The following AGBL1 variants were observed in gnomAD, a reference collection of about 807,000 sequenced individuals.
AGBL1 encodes cytosolic carboxypeptidase 4.
A neutral mutation model predicts 118.9 loss-of-function variants in AGBL1; 130 were observed. The ratio of observed to expected loss-of-function variants is 1.09; its 90% CI spans 0.95 to 1.26. The LOEUF (loss-of-function observed/expected upper bound fraction) is 1.26, where lower values mean the gene tolerates loss of function less well. Ranked by LOEUF, AGBL1 falls within the 50% of genes most tolerant of loss-of-function variation. The pLI, the probability that AGBL1 is intolerant of heterozygous loss-of-function variation, is 0.00. For synonymous variants in AGBL1, 555 were observed against 478.9 expected (o/e 1.16, Z -2.08); for missense variants, 1,584 against 1,298.1 (o/e 1.22, Z -3.38).
rs980060832 is a variant in AGBL1, at chr15:86,592,652, G to T, written c.2994+38115G>T. Among the ~76,000 whole-genome samples, 8 of 152,162 alleles carry T rather than the reference G, an allele frequency of 5.3e-5. No homozygotes were observed. In the East Asian group the frequency reaches 1.5e-3, roughly 29 times the overall value. ...ACCAGTTGAGTGTTCTTAGAGGAAG[G>T]TCGCATAACAGTTAAACTTTGCCAT... On this transcript the variant is annotated intron_variant, in intron 21 of 22. Transcript: ENST00000614907.
chr15:87,027,937 G>A (rs1196877321), intron 24 of AGBL1, among the ~76,000 whole-genome samples: 2 of 151,862 alleles, frequency 1.3e-5, no homozygotes, highest in East Asian at 1.9e-4. Flanking sequence ...TGGCTGCTGA[G>A]CTTAATCCCT....
intron 5 of AGBL1, among the ~76,000 whole-genome samples, chr15:86,177,242 G>A (rs1248189120): frequency 6.6e-6 from 1 of 152,076 alleles, no homozygotes; most frequent in African/African-American, 2.4e-5. Context: ...AGTTTATTAG[G>A]AACAAACAAA....
At chr15:86,211,088 C>T (rs1174563422) in intron 5 of AGBL1, among the ~76,000 whole-genome samples, 1 of 152,164 alleles carries the variant, frequency 6.6e-6, no homozygotes, top group East Asian at 1.9e-4. Context: ...AGCTTCAGGT[C>T]TGTTGGAGTT....
At chr15:86,540,059 T>C (rs1048704603) in intron 19 of AGBL1, among the ~76,000 whole-genome samples, 2 of 152,226 alleles carry the variant, frequency 1.3e-5, no homozygotes, top group African/African-American at 4.8e-5. Flanking sequence ...GCAAGTTACT[T>C]ATTTTATCTG....
intron 23 of AGBL1, among the ~76,000 whole-genome samples, chr15:86,932,522 G>T (rs537167778): frequency 3.3e-5 from 5 of 152,180 alleles, no homozygotes; most frequent in African/African-American, 1.2e-4. Flanking sequence ...CTTTGCGTGG[G>T]TGTTGAAGCC....
intron 21 of AGBL1, among the ~76,000 whole-genome samples, chr15:86,616,869 A>G (rs1279050592): frequency 6.6e-6 from 1 of 152,184 alleles, no homozygotes; most frequent in Non-Finnish European, 1.5e-5. Flanking sequence ...GGCTAGTCCT[A>G]TGTCTTTAGC....
In AGBL1 at chr15:86,511,539, A is replaced by G. The variant is rs76471307; in HGVS notation, c.2556-11271A>G. 1.3e-3 allele frequency among the ~76,000 whole-genome samples: 204 copies of G among 152,156 alleles called. No individual in the cohort carries two copies. In the East Asian group the frequency reaches 0.016, roughly 12 times the overall value. Reference sequence around the variant, plus strand: ...ATAGTTTACTCTTTATTCAGAGGCTACTCTAGCTGTGTGACCTTAGGCAGG... The same window carrying G: ...ATAGTTTACTCTTTATTCAGAGGCTGCTCTAGCTGTGTGACCTTAGGCAGG... On this transcript the variant is annotated intron_variant, in intron 18 of 22. Coordinates refer to ENST00000614907, the MANE Select transcript of AGBL1 (RefSeq NM_001386094.1).
At chr15:86,345,053 C>G (rs182454153) in intron 17 of AGBL1, among the ~76,000 whole-genome samples, 5 of 152,056 alleles carry the variant, frequency 3.3e-5, no homozygotes. Flanking sequence ...TTTCAGGCAC[C>G]GTTTTAGACT....
At chr15:86,354,688 C>G (rs768933490) in intron 17 of AGBL1, among the ~76,000 whole-genome samples, 26 of 152,158 alleles carry the variant, frequency 1.7e-4, no homozygotes, top group Non-Finnish European at 3.2e-4. Context: ...ATCATGGTCT[C>G]TCAAAGATGT....
At chr15:86,536,410 A>G (rs557427008) in intron 19 of AGBL1, among the ~76,000 whole-genome samples, 1 of 152,234 alleles carries the variant, frequency 6.6e-6, no homozygotes. Context: ...TCCCGGGTTC[A>G]AGCAATTCTC....
Position 86,546,140 on chromosome 15 carries a change from C to T in AGBL1, c.2817+7C>T, listed in dbSNP as rs543472332. 176 of 1,608,758 alleles carry T rather than the reference C, an allele frequency of 1.1e-4. No homozygotes were observed. The highest frequency in any genetic ancestry group is 1.5e-4 in the African/African-American group (11 of 74,902). On this transcript the variant is annotated splice_region_variant and intron_variant, in intron 20 of 22. Coordinates refer to ENST00000614907, the MANE Select transcript of AGBL1 (RefSeq NM_001386094.1). ...AGAGGAGGTCAACTACAGGGTAAGC[C>T]GCTGTGGGGAATGACATCAGACATG... is the stretch of plus-strand genomic sequence containing the variant.
intron 22 of AGBL1, among the ~76,000 whole-genome samples, chr15:86,884,722 G>C (rs993422953): frequency 6.6e-6 from 1 of 152,200 alleles, no homozygotes; most frequent in Non-Finnish European, 1.5e-5. Flanking sequence ...TGACGTGGGA[G>C]AACCGCTTGA....
At chr15:86,115,949 T>C (rs999228875) in intron 1 of AGBL1, among the ~76,000 whole-genome samples, 1 of 152,194 alleles carries the variant, frequency 6.6e-6, no homozygotes, top group African/African-American at 2.4e-5. Flanking sequence ...AAGATTTCAG[T>C]CATGTCATCC....
At chr15:86,199,542 C>T (rs976237756) in intron 5 of AGBL1, among the ~76,000 whole-genome samples, 2 of 152,208 alleles carry the variant, frequency 1.3e-5, no homozygotes, top group Non-Finnish European at 2.9e-5. Flanking sequence ...GGTCCTCGTG[C>T]ACCTGAAGTG....
At chr15:86,206,298 G>A (rs551375433) in intron 5 of AGBL1, among the ~76,000 whole-genome samples, 5 of 152,266 alleles carry the variant, frequency 3.3e-5, no homozygotes, top group African/African-American at 1.2e-4. Context: ...CTTCATAGTA[G>A]CATGATTTAT....
chr15:86,921,137 A>T (rs1018767104), downstream of AGBL1, among the ~76,000 whole-genome samples: 5 of 152,210 alleles, frequency 3.3e-5, no homozygotes, highest in Non-Finnish European at 7.3e-5. Flanking sequence ...TTGACCAAAA[A>T]AGTTGGGACA....
At chr15:86,606,359 C>T (rs2447260) in intron 21 of AGBL1, among the ~76,000 whole-genome samples, 75,117 of 151,738 alleles carry the variant, frequency 0.5, 18,750 homozygotes, top group East Asian at 0.73. Flanking sequence ...GAGTTTTCTG[C>T]GTGAGATTAG....
chr15:86,550,507 A>T (rs897145718), intron 20 of AGBL1, among the ~76,000 whole-genome samples: 1 of 152,166 alleles, frequency 6.6e-6, no homozygotes, highest in Admixed American at 6.6e-5. Flanking sequence ...ATACATTAAA[A>T]GGAGAAATAT....
intron 24 of AGBL1, among the ~76,000 whole-genome samples, chr15:87,019,199 T>C (rs185110818): frequency 1.3e-5 from 2 of 152,062 alleles, no homozygotes; most frequent in Non-Finnish European, 2.9e-5. Flanking sequence ...ATGGACGTTA[T>C]TAGACATATC....
Sources: allele counts gnomAD v4.1 joint callset (sites outside exome capture counted in the v4.1 genomes callset), GRCh38; gene constraint gnomAD v4.1.1; transcripts MANE v1.5; gene names NCBI Gene and HGNC (gene_info 2026-07-23, HGNC 2026-07-21).